CSMD3: variants seen among roughly 807,000 people sequenced by gnomAD.
CSMD3 encodes CUB and Sushi multiple domains 3.
Under a neutral mutation model 435.2 loss-of-function variants are expected in CSMD3, and 177 were observed. The observed-to-expected ratio is 0.41, with a 90% CI of 0.36 to 0.46. The LOEUF (loss-of-function observed/expected upper bound fraction) is 0.46. CSMD3 is among the 20% of genes least tolerant of loss of function. The pLI, the probability that CSMD3 is intolerant of heterozygous loss-of-function variation, is 0.34. For synonymous variants in CSMD3, 1,656 were observed against 1,520.5 expected (o/e 1.09, Z -2.07); for missense variants, 4,265 against 4,504.6 (o/e 0.95, Z 1.52).
At chr8:112,403,342 C>T (rs1416813125) in intron 35 of CSMD3, among the ~76,000 whole-genome samples, 1 of 152,170 alleles carries the variant, frequency 6.6e-6, no homozygotes, top group Non-Finnish European at 1.5e-5. Context: ...TTCATCTGTA[C>T]ATTCCAAAAG....
chr8:112,312,261 T>C (rs2130821207), intron 49 of CSMD3, among the ~76,000 whole-genome samples: 1 of 152,288 alleles, frequency 6.6e-6, no homozygotes, highest in South Asian at 2.1e-4. Flanking sequence ...TTCAGTTTTT[T>C]GGTTTTTTTT....
intron 10 of CSMD3, among the ~76,000 whole-genome samples, chr8:112,902,361 C>T (rs2082128060): frequency 6.6e-6 from 1 of 151,174 alleles, no homozygotes; most frequent in Non-Finnish European, 1.5e-5. Context: ...GGGTTCAAGG[C>T]CGTGCTTGTC....
chr8:113,155,274 G>A (rs1025934790), intron 4 of CSMD3, among the ~76,000 whole-genome samples: 1 of 151,966 alleles, frequency 6.6e-6, no homozygotes. Flanking sequence ...CCATTCTCCA[G>A]TTCCTTAATT....
At chr8:112,551,567 A>C (rs551863874) in intron 26 of CSMD3, among the ~76,000 whole-genome samples, 1 of 152,250 alleles carries the variant, frequency 6.6e-6, no homozygotes, top group Non-Finnish European at 1.5e-5. Flanking sequence ...TTAACATCAA[A>C]TAATGTTTAA....
intron 32 of CSMD3, among the ~76,000 whole-genome samples, chr8:112,424,950 A>G (rs1337256201): frequency 6.6e-6 from 1 of 152,204 alleles, no homozygotes; most frequent in Non-Finnish European, 1.5e-5. Context: ...TCAGCCTCTC[A>G]AAGTGCTGGG....
chr8:112,677,362 A>G (rs2075791263), intron 16 of CSMD3, among the ~76,000 whole-genome samples: 1 of 151,416 alleles, frequency 6.6e-6, no homozygotes, highest in African/African-American at 2.4e-5. Flanking sequence ...GATGGCCTAG[A>G]AAGGTATTTG....
intron 59 of CSMD3, 49 bp downstream of exon 59, chr8:112,281,125 C>T (rs768222441): frequency 1.1e-5 from 15 of 1,366,344 alleles, no homozygotes; most frequent in Admixed American, 1.7e-5. Context: ...ATATACTCAT[C>T]AATACTTTCA....
chr8:112,796,030 T>G (rs1049998562), intron 13 of CSMD3, among the ~76,000 whole-genome samples: 1 of 152,134 alleles, frequency 6.6e-6, no homozygotes, highest in African/African-American at 2.4e-5. Flanking sequence ...TGGTTGTGCA[T>G]GTGCACGTGC....
chr8:113,246,322 T>C (rs72670710), intron 3 of CSMD3, among the ~76,000 whole-genome samples: 10,043 of 152,056 alleles, frequency 0.066, 459 homozygotes, highest in Non-Finnish European at 0.095. Flanking sequence ...TGTTTACTGA[T>C]ACTTTTTACT....
At chr8:112,361,237 A>AT (rs1437509724) in intron 38 of CSMD3, among the ~76,000 whole-genome samples, 1 of 151,770 alleles carries the variant, frequency 6.6e-6, no homozygotes, top group Non-Finnish European at 1.5e-5. Context: ...CTGATTAAAT[A>AT]TTTTTTAATG....
chr8:112,702,633 G>A (rs1360079612), intron 13 of CSMD3, among the ~76,000 whole-genome samples: 1 of 152,016 alleles, frequency 6.6e-6, no homozygotes, highest in African/African-American at 2.4e-5. Flanking sequence ...ATGATAGCCA[G>A]GACCCTATGC....
At chr8:113,049,402 G>GAA (rs60859878) in intron 5 of CSMD3, among the ~76,000 whole-genome samples, 5 of 137,892 alleles carry the variant, frequency 3.6e-5, no homozygotes, top group African/African-American at 2.6e-5. Flanking sequence ...GTTCTAGTAG[G>GAA]AAAAAAAAAA....
intron 4 of CSMD3, among the ~76,000 whole-genome samples, chr8:113,112,145 C>A (rs187112868): frequency 1.1e-4 from 17 of 151,646 alleles, no homozygotes; most frequent in Non-Finnish European, 1.9e-4. Context: ...TACATTTTTT[C>A]GCTCAGCTGG....
At chr8:112,413,688 C>A (rs1033345816) in intron 32 of CSMD3, among the ~76,000 whole-genome samples, 1 of 152,164 alleles carries the variant, frequency 6.6e-6, no homozygotes, top group African/African-American at 2.4e-5. Flanking sequence ...TTGCTTAGAA[C>A]ATGAATAAAT....
At chr8:113,288,875 G>A (rs1425114226) in intron 2 of CSMD3, among the ~76,000 whole-genome samples, 1 of 151,850 alleles carries the variant, frequency 6.6e-6, no homozygotes, top group African/African-American at 2.4e-5. Context: ...CCATAGTTAT[G>A]TTGGGAGATT....
chr8:112,645,365 G>C lies in CSMD3; in HGVS notation c.3194-140C>G, dbSNP rs2074951795. 3 of 700,424 alleles carry C rather than the reference G, an allele frequency of 4.3e-6. No individual in the cohort carries two copies. The African/African-American group carries it at 5.2e-5, about 12-fold the overall frequency. The allele number at this position is 700,424 out of a possible 1,614,324, so 43.4% of individuals were successfully genotyped here. ...CCTAGTAATAACAGGTGTGCATGCAGCACTAGAGAAGAAAAGTGTACTCAG... is the reference window on the plus strand; with the variant it reads ...CCTAGTAATAACAGGTGTGCATGCACCACTAGAGAAGAAAAGTGTACTCAG... On this transcript the variant is annotated intron_variant, in intron 19 of 70. Transcript: ENST00000297405.
At chr8:113,266,683 A>G (rs765806683) in intron 3 of CSMD3, among the ~76,000 whole-genome samples, 2 of 151,632 alleles carry the variant, frequency 1.3e-5, no homozygotes, top group Non-Finnish European at 3.0e-5. Context: ...CCACATTTTT[A>G]TATTTCTGAA....
intron 4 of CSMD3, among the ~76,000 whole-genome samples, chr8:113,145,164 G>A (rs1358099270): frequency 3.3e-5 from 5 of 151,472 alleles, no homozygotes; most frequent in Non-Finnish European, 5.9e-5. Flanking sequence ...GTGTTGGGGA[G>A]TGGTAGGAAA....
chr8:112,593,277 T>A (rs573572400), intron 22 of CSMD3, among the ~76,000 whole-genome samples: 1 of 152,258 alleles, frequency 6.6e-6, no homozygotes, highest in South Asian at 2.1e-4. Flanking sequence ...GAATGAATTG[T>A]AGTCTTGGGT....
Sources: allele counts gnomAD v4.1 joint callset (sites outside exome capture counted in the v4.1 genomes callset), GRCh38; gene constraint gnomAD v4.1.1; transcripts MANE v1.5; gene names NCBI Gene and HGNC (gene_info 2026-07-23, HGNC 2026-07-21).